Variants in GAB4 observed in about 807,000 individuals in gnomAD.
GAB4 encodes GRB2 associated binding protein family member 4, also known as GRB2-associated-binding protein 4.
GAB4 carries 26 observed loss-of-function variants against 51.3 expected under a neutral mutation model. The observed-to-expected ratio is 0.51, with a 90% confidence interval of 0.37 to 0.70. The LOEUF is 0.70. Ranked by LOEUF, GAB4 falls within the 30% of genes least tolerant of loss-of-function variation. GAB4 has a pLI of 0.00. For synonymous variants in GAB4, 329 were observed against 291.2 expected, an observed-to-expected ratio of 1.13 and a Z score of -1.32; for missense variants, 759 against 734.6, an observed-to-expected ratio of 1.03 and a Z score of -0.38.
At chr22:17,007,461 C>T (rs1280148322) in intron 1 of GAB4, among the ~76,000 whole-genome samples, 1 of 147,370 alleles carries the variant, frequency 6.8e-6, no homozygotes, top group Non-Finnish European at 1.5e-5. Flanking sequence ...TTTCCTGGGG[C>T]CCGGGAGGGA....
At chr22:16,998,445 T>C (rs1264682148) in intron 1 of GAB4, among the ~76,000 whole-genome samples, 3 of 152,196 alleles carry the variant, frequency 2.0e-5, no homozygotes, top group Non-Finnish European at 4.4e-5. Context: ...GGCTCTCTGT[T>C]TGTCTGTTAT....
chr22:16,963,288 C>A (rs565578756), intron 9 of GAB4, among the ~76,000 whole-genome samples: 4 of 152,312 alleles, frequency 2.6e-5, no homozygotes, highest in African/African-American at 7.2e-5. Flanking sequence ...ACCCTGCTGT[C>A]TAGACAGGCT....
intron 1 of GAB4, among the ~76,000 whole-genome samples, chr22:16,996,038 T>C (rs1399819656): frequency 6.6e-6 from 1 of 151,874 alleles, no homozygotes; most frequent in Non-Finnish European, 1.5e-5. Context: ...TCTAACCCAA[T>C]GCAAGGAAGC....
At chr22:17,006,153 A>G (rs969795038) in intron 1 of GAB4, among the ~76,000 whole-genome samples, 5 of 152,222 alleles carry the variant, frequency 3.3e-5, no homozygotes, top group Non-Finnish European at 7.3e-5. Context: ...AGAATGTATA[A>G]GGAATTTAAA....
intron 1 of GAB4, among the ~76,000 whole-genome samples, chr22:16,997,763 GT>G (rs1439313515): frequency 1.3e-5 from 2 of 152,180 alleles, no homozygotes; most frequent in African/African-American, 4.8e-5. Flanking sequence ...TTCTTCTAGG[GT>G]TTTTATGGTT....
intron 1 of GAB4, among the ~76,000 whole-genome samples, chr22:16,992,805 T>A (rs1337952887): frequency 6.6e-6 from 1 of 152,156 alleles, no homozygotes; most frequent in Non-Finnish European, 1.5e-5. Flanking sequence ...CACTGCAGCC[T>A]CTAATTCCTG....
chr22:17,003,442 C>T (rs1001113293), intron 1 of GAB4, among the ~76,000 whole-genome samples: 1 of 152,142 alleles, frequency 6.6e-6, no homozygotes, highest in African/African-American at 2.4e-5. Flanking sequence ...AAGTAAAACA[C>T]TCCTCAGCAA....
At chr22:16,965,352 G>T (rs1443554256) in intron 6 of GAB4, 84 bp from the exon 7 acceptor site, 1 of 1,058,612 alleles carries the variant, frequency 9.4e-7, no homozygotes, top group Non-Finnish European at 1.5e-6. Context: ...GGTGTGCTTA[G>T]AAAGGCCCAC....
At chr22:16,969,090 G>T (rs570673481) in intron 4 of GAB4, among the ~76,000 whole-genome samples, 7 of 152,334 alleles carry the variant, frequency 4.6e-5, no homozygotes, top group African/African-American at 1.7e-4. Flanking sequence ...AGGAGAGGAG[G>T]TTATATGCAG....
chr22:16,972,184 G>A (rs2060737511), intron 3 of GAB4, among the ~76,000 whole-genome samples: 1 of 152,220 alleles, frequency 6.6e-6, no homozygotes. Context: ...CTGCCCTGCA[G>A]GACAGGCGTC....
chr22:16,972,341 C>T (rs76993769), intron 3 of GAB4, among the ~76,000 whole-genome samples: 2,517 of 152,262 alleles, frequency 0.017, 27 homozygotes, highest in Middle Eastern at 0.037. Context: ...CTGAGTGAGC[C>T]CGGAAGGATC....
At chr22:16,984,412 T>A (rs1439575028) in intron 3 of GAB4, among the ~76,000 whole-genome samples, 1 of 152,180 alleles carries the variant, frequency 6.6e-6, no homozygotes, top group African/African-American at 2.4e-5. Context: ...AAACTAAAAC[T>A]AGAACTACCA....
In GAB4 at chr22:16,988,020, G is replaced by A; in HGVS notation, c.626C>T (p.Pro209Leu). The change falls in exon 3 of 10, where the codon CCT becomes CTT. Residue 209 changes from proline (P) to leucine (L), a missense_variant. This residue lies in a region of GAB4 where 588 missense variants were observed against 510.2 expected (regional missense o/e 1.15). Coordinates refer to ENST00000400588, the MANE Select transcript of GAB4 (RefSeq NM_001037814.1). ...SHCVPPTWPI[P>L]APPGCLRSHQ... ...CGAGCGGAGACACCCCGGAGGTGCA[G>A]GGATGGGCCAGGTGGGCGGCACACA... The A allele has an allele frequency of 1.2e-6, 2 of 1,609,964 alleles. No homozygotes were observed. The highest frequency in any genetic ancestry group is 1.7e-6 in the Non-Finnish European group (2 of 1,178,692).
intron 2 of GAB4, among the ~76,000 whole-genome samples, chr22:16,988,926 CT>C (rs1485202967): frequency 6.6e-6 from 1 of 152,320 alleles, no homozygotes; most frequent in African/African-American, 2.4e-5. Context: ...CACATGCAGA[CT>C]TTAAGACCTG....
chr22:16,981,421 A>T (rs2123684394), intron 3 of GAB4, among the ~76,000 whole-genome samples: 1 of 152,260 alleles, frequency 6.6e-6, no homozygotes, highest in East Asian at 1.9e-4. Context: ...AGCCTTAAAT[A>T]AAATCAGAGC....
chr22:16,990,253 G>A (rs118029931), intron 2 of GAB4, among the ~76,000 whole-genome samples: 131 of 152,128 alleles, frequency 8.6e-4, no homozygotes, highest in East Asian at 5.6e-3. Context: ...GTAATTCCTC[G>A]TGTTTCAAAT....
chr22:16,981,799 G>C (rs541743924), intron 3 of GAB4, among the ~76,000 whole-genome samples: 5 of 151,726 alleles, frequency 3.3e-5, no homozygotes, highest in Non-Finnish European at 7.4e-5. Flanking sequence ...AACAGACAAA[G>C]ATACAACAAA....
intron 5 of GAB4, chr22:16,967,349 G>C (rs1569090501): frequency 6.5e-6 from 1 of 153,132 alleles, no homozygotes; most frequent in Non-Finnish European, 1.5e-5. Flanking sequence ...GACCCAGGCA[G>C]AAGGCAGCAC....
intron 3 of GAB4, among the ~76,000 whole-genome samples, chr22:16,971,730 G>T (rs1017665190): frequency 7.2e-5 from 11 of 152,174 alleles, no homozygotes; most frequent in African/African-American, 2.7e-4. Context: ...CCATGGAACT[G>T]CCTCACTGGT....
Sources: allele counts gnomAD v4.1 joint callset (sites outside exome capture counted in the v4.1 genomes callset), GRCh38; gene constraint gnomAD v4.1.1; regional missense constraint gnomAD v4.1.1; transcripts MANE v1.5; gene names NCBI Gene and HGNC (gene_info 2026-07-23, HGNC 2026-07-21).